The following CDKAL1 variants were observed in gnomAD, a reference collection of about 807,000 sequenced individuals.
The protein encoded by CDKAL1 is threonylcarbamoyladenosine tRNA methylthiotransferase.
A neutral mutation model predicts 68.2 loss-of-function variants in CDKAL1; 32 were observed. That is an observed-to-expected ratio of 0.47 (90% CI 0.35 to 0.63). CDKAL1 has a LOEUF of 0.63. Ranked by LOEUF, CDKAL1 falls within the 30% of genes least tolerant of loss-of-function variation. The pLI is 0.00. For synonymous variants in CDKAL1, 234 were observed against 244.3 expected (o/e 0.96, Z 0.39); for missense variants, 606 against 696.7 (o/e 0.87, Z 1.47).
chr6:21,037,059 TTTTG>T (rs1293832727), intron 11 of CDKAL1, among the ~76,000 whole-genome samples: 3 of 152,160 alleles, frequency 2.0e-5, no homozygotes, highest in Non-Finnish European at 2.9e-5. Context: ...TTTGGACTTT[TTTTG>T]TTTGTTTGCT....
chr6:21,029,250 T>A (rs138568326), intron 11 of CDKAL1, among the ~76,000 whole-genome samples: 6 of 152,166 alleles, frequency 3.9e-5, no homozygotes, highest in African/African-American at 1.4e-4. Flanking sequence ...AGAGACAGGG[T>A]TTCTCCATGT....
chr6:21,127,985 A>T (rs1226553523), intron 13 of CDKAL1, among the ~76,000 whole-genome samples: 1 of 152,334 alleles, frequency 6.6e-6, no homozygotes, highest in East Asian at 1.9e-4. Context: ...CTAGATGCAG[A>T]TGTAAGTAAT....
chr6:21,151,906 C>T (rs1052001446), intron 13 of CDKAL1, among the ~76,000 whole-genome samples: 1 of 152,132 alleles, frequency 6.6e-6, no homozygotes, highest in African/African-American at 2.4e-5. Context: ...GGCGTGCGGC[C>T]TCCACCCCCA....
At chr6:20,838,301 A>G (rs1778040890) in intron 8 of CDKAL1, among the ~76,000 whole-genome samples, 1 of 152,014 alleles carries the variant, frequency 6.6e-6, no homozygotes, top group Non-Finnish European at 1.5e-5. Flanking sequence ...TTCAGCTTGG[A>G]CATTCGTAAG....
Position 21,010,822 on chromosome 6 carries a change from G to A in CDKAL1, c.1055+10450G>A, listed in dbSNP as rs185856742. 6.6e-5 allele frequency among the ~76,000 whole-genome samples: 10 copies of A among 152,208 alleles called. No individual in the cohort carries two copies. The East Asian group carries it at 1.2e-3, about 18-fold the overall frequency. ...ACCAGGGCTGGGCGCGATGGTTCACGCCTGTAACCCCAGCACTTTGGGAGG... is the reference window on the plus strand; with the variant it reads ...ACCAGGGCTGGGCGCGATGGTTCACACCTGTAACCCCAGCACTTTGGGAGG... On this transcript the variant is annotated intron_variant, in intron 11 of 15. Transcript: ENST00000274695.
rs371165972 is a variant in CDKAL1, at chr6:21,203,215, ATTTTTTTTTTTTTTT to A, written c.1548+1964_1548+1978del. Among the ~76,000 whole-genome samples the A allele has an allele frequency of 9.6e-3, 453 of 47,116 alleles. 6 individuals carry two copies. The highest frequency in any genetic ancestry group is 0.034 in the African/African-American group (386 of 11,368). 30.9% of individuals were successfully genotyped at this position (47,116 alleles called of 152,430 possible). A position where few individuals can be genotyped will look rare whatever the true frequency, so the allele number is the denominator to read the frequency against. On this transcript the variant is annotated intron_variant, in intron 15 of 15. Transcript: ENST00000274695. ...TAGGCATGCACCACCATCCTGGCTAATTTTTTTTTTTTTTTTTTTTTTTTTTTTTTTTTTTTTGAG... is the reference window on the plus strand; with the variant it reads ...TAGGCATGCACCACCATCCTGGCTAATTTTTTTTTTTTTTTTTTTTTTGAG...
At chr6:21,113,571 C>T (rs1426401442) in intron 13 of CDKAL1, among the ~76,000 whole-genome samples, 1 of 152,070 alleles carries the variant, frequency 6.6e-6, no homozygotes, top group Non-Finnish European at 1.5e-5. Context: ...GGCTTGATCT[C>T]AGCTCACCGC....
At chr6:21,062,387 C>T (rs1325846113) in intron 11 of CDKAL1, among the ~76,000 whole-genome samples, 1 of 152,140 alleles carries the variant, frequency 6.6e-6, no homozygotes, top group East Asian at 1.9e-4. Context: ...AGCTGGAAAG[C>T]TATTCTACAT....
chr6:20,785,741 T>C (rs1313205506), intron 8 of CDKAL1, among the ~76,000 whole-genome samples: 1 of 152,218 alleles, frequency 6.6e-6, no homozygotes, highest in African/African-American at 2.4e-5. Flanking sequence ...CTCACACTTT[T>C]CAAAATTTTA....
intron 4 of CDKAL1, among the ~76,000 whole-genome samples, chr6:20,583,593 A>T (rs1418263779): frequency 6.6e-6 from 1 of 152,156 alleles, no homozygotes; most frequent in Non-Finnish European, 1.5e-5. Flanking sequence ...CGTTTCCAGG[A>T]TCAACACTTG....
chr6:21,134,960 AT>A (rs56144968), intron 13 of CDKAL1, among the ~76,000 whole-genome samples: 38,132 of 151,922 alleles, frequency 0.25, 4,881 homozygotes, highest in South Asian at 0.35. Flanking sequence ...CTATTAAGTG[AT>A]TTTTTTAAAA....
At chr6:21,069,404 TATG>T (rs1282529626) in intron 12 of CDKAL1, among the ~76,000 whole-genome samples, 3 of 152,330 alleles carry the variant, frequency 2.0e-5, no homozygotes, top group African/African-American at 7.2e-5. Context: ...ATTGAAATAA[TATG>T]ATTTGTTTTT....
At chr6:21,171,104 A>G (rs1179082139) in intron 13 of CDKAL1, among the ~76,000 whole-genome samples, 1 of 152,128 alleles carries the variant, frequency 6.6e-6, no homozygotes, top group Admixed American at 6.6e-5. Flanking sequence ...ATAATTAATC[A>G]CTATGGTCCA....
intron 10 of CDKAL1, among the ~76,000 whole-genome samples, chr6:20,961,591 C>A (rs1164485688): frequency 3.3e-5 from 5 of 151,982 alleles, no homozygotes; most frequent in African/African-American, 4.8e-5. Flanking sequence ...CACAGTGAAA[C>A]CCCATCTCTA....
intron 12 of CDKAL1, among the ~76,000 whole-genome samples, chr6:21,079,144 G>A (rs917845729): frequency 1.3e-5 from 2 of 152,134 alleles, no homozygotes; most frequent in African/African-American, 2.4e-5. Context: ...CCATTGGGGC[G>A]GTGAGATATA....
At chr6:20,545,942 C>T (rs1763583793) in intron 2 of CDKAL1, among the ~76,000 whole-genome samples, 1 of 152,166 alleles carries the variant, frequency 6.6e-6, no homozygotes, top group East Asian at 1.9e-4. Context: ...TCTGATTTCC[C>T]TAGTTATACC....
rs138066765 is a variant in CDKAL1 at position 20,541,343 on chromosome 6, A to G, written c.-5-5003A>G. On this transcript the variant is annotated intron_variant, in intron 2 of 15. Transcript: ENST00000274695. ...GGCTTCAGGCATTTGTTGGATTCAGATGCTCAAATAATGTCAGTATGGTTC... is the reference window on the plus strand; with the variant it reads ...GGCTTCAGGCATTTGTTGGATTCAGGTGCTCAAATAATGTCAGTATGGTTC... Among the ~76,000 whole-genome samples, 515 of 152,292 alleles carry G rather than the reference A, an allele frequency of 3.4e-3. 3 individuals carry two copies. Among genetic ancestry groups the G allele is most frequent in the African/African-American group, 0.012 (489 of 41,550 alleles).
intron 10 of CDKAL1, among the ~76,000 whole-genome samples, chr6:20,982,723 G>A (rs1766221998): frequency 6.6e-6 from 1 of 151,860 alleles, no homozygotes; most frequent in Admixed American, 6.6e-5. Context: ...TGCAAAAAAG[G>A]GTAAGTTAGA....
chr6:20,829,476 G>A (rs1294815538), intron 8 of CDKAL1, among the ~76,000 whole-genome samples: 2 of 152,120 alleles, frequency 1.3e-5, no homozygotes, highest in Non-Finnish European at 2.9e-5. Context: ...GTTATATTAG[G>A]CCTATTTACT....
Sources: gnomAD v4.1 joint callset for allele counts (sites outside exome capture counted in the v4.1 genomes callset) on GRCh38, gnomAD v4.1.1 for gene constraint, MANE v1.5 for transcripts, NCBI Gene and HGNC (gene_info 2026-07-23, HGNC 2026-07-21) for gene names.